Variants in PEX7 observed in about 807,000 individuals in gnomAD.
PEX7 encodes the protein PTS2 receptor.
Under a neutral mutation model 47.5 loss-of-function variants are expected in PEX7, and 34 were observed. That is an observed-to-expected ratio of 0.72 (90% CI 0.54 to 0.95). The LOEUF is 0.95. Among genes scored for constraint, PEX7 ranks in the 40% least tolerant of loss-of-function variants. The pLI is 0.00. For synonymous variants in PEX7, 141 were observed against 148.8 expected, an observed-to-expected ratio of 0.95 and a Z score of 0.38; for missense variants, 394 against 400.3, an observed-to-expected ratio of 0.98 and a Z score of 0.13.
At chr6:136,871,354 G>A (rs1775178275) in intron 7 of PEX7, among the ~76,000 whole-genome samples, 1 of 151,996 alleles carries the variant, frequency 6.6e-6, no homozygotes, top group Non-Finnish European at 1.5e-5. Flanking sequence ...TTTTACCCTT[G>A]ATATAATTTT....
intron 1 of PEX7, among the ~76,000 whole-genome samples, chr6:136,823,808 TG>T (rs796727002): frequency 1.3e-5 from 2 of 152,108 alleles, no homozygotes; most frequent in African/African-American, 4.8e-5. Flanking sequence ...GAGAATAGTT[TG>T]AACCCAGGAG....
At chr6:136,825,178 G>T (rs373960146) in intron 1 of PEX7, 36 bp from the exon 2 acceptor site, 1 of 1,570,870 alleles carries the variant, frequency 6.4e-7, no homozygotes, top group Non-Finnish European at 8.8e-7. Flanking sequence ...ACCCTGGCAG[G>T]TTCAAAGGGA....
intron 5 of PEX7, among the ~76,000 whole-genome samples, chr6:136,863,614 A>G (rs1457161921): frequency 2.0e-5 from 3 of 152,138 alleles, no homozygotes; most frequent in Non-Finnish European, 4.4e-5. Flanking sequence ...ATTTATAGAA[A>G]AAGTAATACA....
At chr6:136,839,708 A>T (rs1314569146) in intron 3 of PEX7, among the ~76,000 whole-genome samples, 3 of 152,188 alleles carry the variant, frequency 2.0e-5, no homozygotes, top group Admixed American at 6.5e-5. Context: ...GGAAGAGGAG[A>T]CTAATAGAAG....
chr6:136,908,632 G>T (rs1775882705), intron 9 of PEX7, among the ~76,000 whole-genome samples: 1 of 152,094 alleles, frequency 6.6e-6, no homozygotes, highest in Non-Finnish European at 1.5e-5. Flanking sequence ...CCCTGCCCTT[G>T]AGTGTCCACA....
At chr6:136,845,539 G>C in intron 3 of PEX7, 76 bp from the exon 4 acceptor site, 1 of 838,526 alleles carries the variant, frequency 1.2e-6, no homozygotes, top group Non-Finnish European at 2.1e-6. Context: ...GCCTCTCATT[G>C]TTATGTAACA....
intron 6 of PEX7, among the ~76,000 whole-genome samples, chr6:136,868,492 G>T (rs1282707667): frequency 6.6e-6 from 1 of 151,944 alleles, no homozygotes; most frequent in Admixed American, 6.6e-5. Context: ...GATGACTATA[G>T]TTTCAAACTC....
At chr6:136,830,298 G>A (rs1463451164) in intron 3 of PEX7, 3 of 378,674 alleles carry the variant, frequency 7.9e-6, no homozygotes, top group Non-Finnish European at 9.4e-6. Flanking sequence ...TTTGAAAAAT[G>A]TAAAACAAGT....
At position 136,846,072 on chromosome 6, in the gene PEX7, G is replaced by A. The variant is rs773406384; in HGVS notation, c.418-1G>A. 4 of 1,592,122 alleles carry A rather than the reference G, an allele frequency of 2.5e-6. No homozygotes were observed. The highest frequency in any genetic ancestry group is 3.4e-6 in the Non-Finnish European group (4 of 1,160,234). On this transcript the variant is annotated splice_acceptor_variant, in intron 4 of 9. Coordinates refer to ENST00000318471, the MANE Select transcript of PEX7 (RefSeq NM_000288.4). LOFTEE classifies it high-confidence loss of function. ...TAATTGATCTATTCATTTATTTGTAGTGGGATCCAACTGTTGGAAAGTCTC... is the reference window on the plus strand; with the variant it reads ...TAATTGATCTATTCATTTATTTGTAATGGGATCCAACTGTTGGAAAGTCTC...
intron 9 of PEX7, among the ~76,000 whole-genome samples, chr6:136,902,380 C>T (rs1055611610): frequency 4.6e-5 from 7 of 152,140 alleles, no homozygotes; most frequent in African/African-American, 1.7e-4. Context: ...TTAGCTTCTC[C>T]TTTCTTAGAG....
At chr6:136,879,986 T>G (rs1454424843) in intron 8 of PEX7, among the ~76,000 whole-genome samples, 1 of 152,176 alleles carries the variant, frequency 6.6e-6, no homozygotes, top group Non-Finnish European at 1.5e-5. Context: ...TCAGTTCTTC[T>G]GTTTTTGTCC....
intron 8 of PEX7, among the ~76,000 whole-genome samples, chr6:136,890,322 G>T (rs1188673683): frequency 6.6e-6 from 1 of 152,172 alleles, no homozygotes; most frequent in Non-Finnish European, 1.5e-5. Context: ...AATATAAACA[G>T]GGAAATATTT....
intron 3 of PEX7, among the ~76,000 whole-genome samples, chr6:136,842,478 A>G (rs534265035): frequency 6.6e-6 from 1 of 152,278 alleles, no homozygotes; most frequent in South Asian, 2.1e-4. Context: ...GATTCTCTTG[A>G]GCCGGTGGAG....
intron 3 of PEX7, among the ~76,000 whole-genome samples, chr6:136,841,988 T>C (rs1401075814): frequency 2.0e-5 from 3 of 150,690 alleles, no homozygotes; most frequent in East Asian, 3.9e-4. Flanking sequence ...TTGAGTTGCC[T>C]TTCTTTTCTT....
intron 5 of PEX7, chr6:136,855,801 T>C: frequency 3.2e-6 from 1 of 312,794 alleles, no homozygotes. Context: ...AGTAAAGACA[T>C]ACATCCAGTT....
intron 9 of PEX7, among the ~76,000 whole-genome samples, chr6:136,909,043 A>G (rs1235379784): frequency 1.3e-5 from 2 of 152,192 alleles, no homozygotes; most frequent in East Asian, 1.9e-4. Flanking sequence ...ACGCTACAGT[A>G]TAGGTGTCTC....
chr6:136,891,536 A>G (rs1383224169), intron 8 of PEX7, among the ~76,000 whole-genome samples: 1 of 152,182 alleles, frequency 6.6e-6, no homozygotes. Context: ...TATTAATACA[A>G]GTTCCAAAAC....
At chr6:136,841,117 C>T (rs1481903192) in intron 3 of PEX7, among the ~76,000 whole-genome samples, 1 of 152,058 alleles carries the variant, frequency 6.6e-6, no homozygotes, top group Non-Finnish European at 1.5e-5. Context: ...AGTAGGTGCT[C>T]AATAAATATT....
At chr6:136,876,358 C>CT (rs1775272947) in intron 8 of PEX7, among the ~76,000 whole-genome samples, 1 of 152,102 alleles carries the variant, frequency 6.6e-6, no homozygotes, top group South Asian at 2.1e-4. Context: ...TTTTATTATA[C>CT]TTTAAGTTCT....
Sources: allele counts gnomAD v4.1 joint callset (sites outside exome capture counted in the v4.1 genomes callset), GRCh38; gene constraint gnomAD v4.1.1; transcripts MANE v1.5; gene names NCBI Gene and HGNC (gene_info 2026-07-23, HGNC 2026-07-21).